Variants in EDRF1 observed in about 807,000 individuals in gnomAD.
EDRF1 encodes erythroid differentiation regulatory factor 1, also known as erythroid differentiation-related factor 1.
A neutral mutation model predicts 148.7 loss-of-function variants in EDRF1; 69 were observed. That is an observed-to-expected ratio of 0.46 (90% confidence interval 0.38 to 0.57). The LOEUF (loss-of-function observed/expected upper bound fraction) is 0.57. Among genes scored for constraint, EDRF1 ranks in the 20% least tolerant of loss-of-function variants. The pLI is 0.00. For missense variants in EDRF1, 1,118 were observed against 1,478.7 expected (o/e 0.76, Z 4.00); for synonymous variants, 515 against 532.8 (o/e 0.97, Z 0.46).
intron 23 of EDRF1, 58 bp downstream of exon 23, chr10:125,752,972 GTA>G: frequency 8.3e-7 from 1 of 1,206,422 alleles, no homozygotes; most frequent in Non-Finnish European, 1.2e-6. Flanking sequence ...CATGGTGAAT[GTA>G]TATAGTGGAC....
Position 125,721,198 on chromosome 10 carries a change from A to T in EDRF1, c.109-6A>T, listed in dbSNP as rs774395500. 6 of 1,613,872 alleles carry T rather than the reference A, an allele frequency of 3.7e-6. No homozygotes were observed. The Admixed American group carries it at 1.0e-4, about 27-fold the overall frequency. On this transcript the variant is annotated splice_region_variant and splice_polypyrimidine_tract_variant and intron_variant, in intron 1 of 24. Transcript: ENST00000356792. ...TCATTAAAGTTTCACCCAATGTGTTAATTAGGGATCAGCTTTATTTCTTGG... is the reference window on the plus strand; with the variant it reads ...TCATTAAAGTTTCACCCAATGTGTTTATTAGGGATCAGCTTTATTTCTTGG...
rs774887981 is a variant in EDRF1 at position 125,733,743 on chromosome 10, A to G, written c.1385A>G (p.Lys462Arg). 1.2e-6 allele frequency: 2 copies of G among 1,609,450 alleles called. No homozygotes were observed. Among genetic ancestry groups the G allele is most frequent in the Non-Finnish European group, 1.7e-6 (2 of 1,175,838 alleles). The change falls in exon 11 of 25, where the codon AAG becomes AGG. Residue 462 changes from lysine (K) to arginine (R), a missense_variant and splice_region_variant. Lys to Arg is a conservative substitution (Grantham distance 26, BLOSUM62 2). This residue lies in a region of EDRF1 where 954 missense variants were observed against 1,241.4 expected (regional missense o/e 0.77). Coordinates refer to ENST00000356792, the MANE Select transcript of EDRF1 (RefSeq NM_001202438.2). ...FTMPVAILLY[K>R]VACNMMMKKN... ...ATGCCGGTAGCCATTCTCTTGTACA[A>G]GTGAGTGCTTTAAGAATTTAAGATG... is the stretch of plus-strand genomic sequence containing the variant.
chr10:125,757,381 A>G (rs1369616010), intron 24 of EDRF1, among the ~76,000 whole-genome samples: 1 of 152,128 alleles, frequency 6.6e-6, no homozygotes, highest in Non-Finnish European at 1.5e-5. Flanking sequence ...TAGACTCCCA[A>G]TTCCTTCCTC....
intron 23 of EDRF1, among the ~76,000 whole-genome samples, 184 bp downstream of exon 23, chr10:125,753,098 A>G (rs986446617): frequency 3.9e-5 from 6 of 152,196 alleles, no homozygotes; most frequent in African/African-American, 1.4e-4. Flanking sequence ...CCTTTCTTTA[A>G]TTTGCAAGTA....
chr10:125,724,050 C>A, intron 4 of EDRF1, 114 bp downstream of exon 4: 4 of 1,220,366 alleles, frequency 3.3e-6, no homozygotes, highest in East Asian at 2.5e-5. Flanking sequence ...CTTCAACAAT[C>A]GAGAAATTGA....
intron 24 of EDRF1, among the ~76,000 whole-genome samples, chr10:125,760,443 TC>T (rs1480336141): frequency 2.0e-5 from 3 of 152,230 alleles, no homozygotes; most frequent in Non-Finnish European, 4.4e-5. Flanking sequence ...ACTATTGTAA[TC>T]TAAAGTTTTC....
chr10:125,720,198 G>A (rs1204382440), intron 1 of EDRF1, among the ~76,000 whole-genome samples: 1 of 152,242 alleles, frequency 6.6e-6, no homozygotes, highest in Non-Finnish European at 1.5e-5. Context: ...CAGGAGGGAA[G>A]AAACGGTGCC....
At chr10:125,727,036 GTT>G (rs5788713) in intron 6 of EDRF1, among the ~76,000 whole-genome samples, 1 of 151,364 alleles carries the variant, frequency 6.6e-6, no homozygotes, top group Non-Finnish European at 1.5e-5. Context: ...TTTGTACAAG[GTT>G]TTTTTTTTCA....
At chr10:125,743,413 TC>T in intron 18 of EDRF1, 137 bp downstream of exon 18, 1 of 700,974 alleles carries the variant, frequency 1.4e-6, no homozygotes, top group Non-Finnish European at 2.5e-6. Context: ...CTCTTATTAT[TC>T]TTAAGAAATA....
chr10:125,760,268 C>A (rs56957612), intron 24 of EDRF1, among the ~76,000 whole-genome samples: 1,912 of 152,226 alleles, frequency 0.013, 58 homozygotes, highest in African/African-American at 0.043. Context: ...AAAAGTGATT[C>A]ATTGATTTTT....
chr10:125,762,896 TTCA>T (rs1457108411), intron 24 of EDRF1, among the ~76,000 whole-genome samples: 1 of 152,136 alleles, frequency 6.6e-6, no homozygotes, highest in African/African-American at 2.4e-5. Flanking sequence ...CTGCATTTTC[TTCA>T]TGGCCGTCCG....
At chr10:125,739,537 A>C (rs1485654338) in intron 15 of EDRF1, among the ~76,000 whole-genome samples, 1 of 152,184 alleles carries the variant, frequency 6.6e-6, no homozygotes, top group African/African-American at 2.4e-5. Context: ...TGTGAACAAG[A>C]ACTTCATCTT....
At chr10:125,749,249 A>G (rs1180593599) in intron 21 of EDRF1, 163 bp from the exon 22 acceptor site, 1 of 510,514 alleles carries the variant, frequency 2.0e-6, no homozygotes, top group Admixed American at 3.7e-5. Context: ...CCCTGTCTCA[A>G]AAAAAAAAAA....
intron 19 of EDRF1, 97 bp downstream of exon 19, chr10:125,746,027 A>G: frequency 1.8e-6 from 2 of 1,111,052 alleles, no homozygotes; most frequent in Non-Finnish European, 2.7e-6. Context: ...ACTAAAAATA[A>G]TTAAACTCTG....
chr10:125,751,988 A>G (rs1009580126), intron 22 of EDRF1: 5 of 152,412 alleles, frequency 3.3e-5, no homozygotes, highest in African/African-American at 1.2e-4. Context: ...AGCTCACCCA[A>G]GCCTTGGTGT....
rs151180078 is a variant in EDRF1, at chr10:125,736,529, C to T, written c.1758+625C>T. Among the ~76,000 whole-genome samples the T allele has an allele frequency of 2.1e-3, 327 of 152,200 alleles. 2 individuals carry two copies. The highest frequency in any genetic ancestry group is 9.9e-3 in the South Asian group (48 of 4,826). On this transcript the variant is annotated intron_variant, in intron 13 of 24. Coordinates refer to ENST00000356792, the MANE Select transcript of EDRF1 (RefSeq NM_001202438.2). ...GCCAGCCTTAAGAGTTCTGGCTGTT[C>T]CCTGAACTGAAATACAGTCGTATTT...
At position 125,721,143 on chromosome 10, in the gene EDRF1, A is replaced by G. The variant is rs11244623; in HGVS notation, c.109-61A>G. The G allele has an allele frequency of 4.7e-3, 7,198 of 1,531,618 alleles. 63 individuals carry two copies. The highest frequency in any genetic ancestry group is 0.038 in the East Asian group (1,694 of 44,490). The allele number at this position is 1,531,618 out of a possible 1,614,324, so 94.9% of individuals were successfully genotyped here. ...TGACAGGTTCTTGTTTTCTTTTTAT[A>G]AAGGTGAGATTTTTCGTTCTTAGTA... On this transcript the variant is annotated intron_variant, in intron 1 of 24. Coordinates refer to ENST00000356792, the MANE Select transcript of EDRF1 (RefSeq NM_001202438.2).
chr10:125,725,606 T>C, intron 5 of EDRF1, 76 bp from the exon 6 acceptor site: 1 of 1,595,506 alleles, frequency 6.3e-7, no homozygotes, highest in Non-Finnish European at 8.6e-7. Flanking sequence ...CAGATTGTAG[T>C]TTTTATAAAC....
At chr10:125,742,892 A>G in intron 17 of EDRF1, 166 bp from the exon 18 acceptor site, 1 of 850,470 alleles carries the variant, frequency 1.2e-6, no homozygotes, top group Non-Finnish European at 1.4e-6. Flanking sequence ...ATAAATAAAT[A>G]GATCTTTATT....
Sources: allele counts gnomAD v4.1 joint callset (sites outside exome capture counted in the v4.1 genomes callset), GRCh38; gene constraint gnomAD v4.1.1; regional missense constraint gnomAD v4.1.1; transcripts MANE v1.5; gene names NCBI Gene and HGNC (gene_info 2026-07-23, HGNC 2026-07-21).